The following IGFN1 variants were observed in gnomAD, a reference collection of about 807,000 sequenced individuals.
IGFN1 encodes the protein immunoglobulin like and fibronectin type III domain containing 1.
A neutral mutation model predicts 289.5 loss-of-function variants in IGFN1; 253 were observed. The ratio of observed to expected loss-of-function variants is 0.87; its 90% CI spans 0.79 to 0.97. IGFN1 has a LOEUF of 0.97. Ranked by LOEUF, IGFN1 falls within the 50% of genes least tolerant of loss-of-function variation. IGFN1 has a pLI of 0.00. For synonymous variants in IGFN1, 1,706 were observed against 1,788.5 expected (o/e 0.95, Z 1.16); for missense variants, 4,470 against 4,686.1 (o/e 0.95, Z 1.35).
chr1:201,218,009 G>A (rs1465893304), intron 17 of IGFN1, among the ~76,000 whole-genome samples: 1 of 152,248 alleles, frequency 6.6e-6, no homozygotes, highest in African/African-American at 2.4e-5. Context: ...CTGGGCAGAT[G>A]CTGAAGGGTC....
intron 1 of IGFN1, among the ~76,000 whole-genome samples, 157 bp downstream of exon 1, chr1:201,191,064 G>A (rs1294760042): frequency 1.3e-5 from 2 of 152,172 alleles, no homozygotes. Flanking sequence ...CACACGCTGG[G>A]GTGCACCTGT....
chr1:201,208,064 G>A lies in IGFN1; in HGVS notation c.3171G>A (p.Trp1057Ter), dbSNP rs1447564194. ...CACCCATGAATGACACCAGGAATTG[G>A]GCCTCTGCATGCCAGGCAGGCATGG... ...DGAPMNDTRN[W>*]ASACQAGMDP... Residue 1057 changes from tryptophan (W) to a stop codon, truncating the protein, a stop_gained, in exon 12 of 24, where the codon TGG becomes TGA. Coordinates refer to ENST00000335211, the MANE Select transcript of IGFN1 (RefSeq NM_001164586.2). LOFTEE classifies it high-confidence loss of function. 2 of 1,536,988 alleles carry A rather than the reference G, an allele frequency of 1.3e-6. No individual in the cohort carries two copies. Among genetic ancestry groups the A allele is most frequent in the South Asian group, 2.4e-5 (2 of 84,052 alleles).
At chr1:201,200,834 T>A (rs866302942) in intron 8 of IGFN1, among the ~76,000 whole-genome samples, 7 of 147,132 alleles carry the variant, frequency 4.8e-5, no homozygotes, top group Non-Finnish European at 1.0e-4. Context: ...ATTTCTTTCT[T>A]TTTTTTTTTT....
chr1:201,208,952 T>C lies in IGFN1; in HGVS notation c.4059T>C (p.Gly1353=). 6.6e-7 allele frequency: 1 copy of C among 1,524,834 alleles called. No homozygotes were observed. Among genetic ancestry groups the C allele is most frequent in the South Asian group, 1.2e-5 (1 of 83,532 alleles). The allele number at this position is 1,524,834 out of a possible 1,614,324, so 94.5% of individuals were successfully genotyped here. A position where few individuals can be genotyped will look rare whatever the true frequency, so the allele number is the denominator to read the frequency against. ...GTTTACAGGATTCCAGGGAAGCGGG[T>C]TCAGGGAGCAAGGCAGATTATAGCG... ...RGGLQDSREA[G]SGSKADYSGG... The change falls in exon 12 of 24, where the codon GGT becomes GGC. Residue 1353 remains glycine (G), a synonymous_variant. Coordinates refer to ENST00000335211, the MANE Select transcript of IGFN1 (RefSeq NM_001164586.2).
chr1:201,226,023 C>G lies in IGFN1; in HGVS notation c.10686C>G (p.Leu3562=). 6.3e-7 allele frequency: 1 copy of G among 1,583,442 alleles called. No individual in the cohort carries two copies. The highest frequency in any genetic ancestry group is 8.6e-7 in the Non-Finnish European group (1 of 1,162,176). Residue 3562 remains leucine, a synonymous_variant, in exon 22 of 24, where the codon CTC becomes CTG. Coordinates refer to ENST00000335211, the MANE Select transcript of IGFN1 (RefSeq NM_001164586.2). ...HTNRFTLLGI[L]PGHEYHFRVV... is the part of the protein sequence containing the mutation. ...ACCGCTTCACCCTCCTGGGCATCCT[C>G]CCCGGCCACGAATACCACTTCAGGG...
chr1:201,221,541 A>T lies in IGFN1; in HGVS notation c.9996A>T (p.Glu3332Asp). 1 of 1,614,132 alleles carries T rather than the reference A, an allele frequency of 6.2e-7. No individual in the cohort carries two copies. The highest frequency in any genetic ancestry group is 8.5e-7 in the Non-Finnish European group (1 of 1,179,998). The part of the protein sequence containing the change: ...WAGPDTQEGD[E>D]AQGYVVELCS... ...GGCCAGACACCCAGGAAGGGGATGA[A>T]GCCCAGGGGTATGTGGTGGAGCTGT... The change falls in exon 19 of 24, where the codon GAA (glutamate) becomes GAT (aspartate). Residue 3332 changes from glutamate (E) to aspartate (D), a missense_variant. Around this residue, in one of 8 missense-constraint regions of IGFN1, gnomAD observed 2,218 missense variants for 2,114.1 expected, o/e 1.05. Coordinates refer to ENST00000335211, the MANE Select transcript of IGFN1 (RefSeq NM_001164586.2).
rs774158177 is a variant in IGFN1, at chr1:201,201,427, C to T, written c.634-292C>T. On this transcript the variant is annotated intron_variant, in intron 8 of 23. Coordinates refer to ENST00000335211, the MANE Select transcript of IGFN1 (RefSeq NM_001164586.2). ...GGGACCTAGCACAGAGCTTTGCACACGGTAGGTGTTCAACTAATGTTCGTT... is the reference window on the plus strand; with the variant it reads ...GGGACCTAGCACAGAGCTTTGCACATGGTAGGTGTTCAACTAATGTTCGTT... 5.4e-4 allele frequency among the ~76,000 whole-genome samples: 82 copies of T among 152,312 alleles called. 1 individual carries two copies. Among genetic ancestry groups the T allele is most frequent in the Middle Eastern group, 3.4e-3 (1 of 294 alleles).
At position 201,226,092 on chromosome 1, in the gene IGFN1, C is replaced by T; in HGVS notation, c.10755C>T (p.Thr3585=). 6.2e-7 allele frequency: 1 copy of T among 1,603,442 alleles called. No individual in the cohort carries two copies. The highest frequency in any genetic ancestry group is 8.5e-7 in the Non-Finnish European group (1 of 1,173,558). The change falls in exon 22 of 24, where the codon ACC becomes ACT. Residue 3585 remains threonine (T), a synonymous_variant. Coordinates refer to ENST00000335211, the MANE Select transcript of IGFN1 (RefSeq NM_001164586.2). ...NELGASKPSD[T]SQPWCIPRQR... is the part of the protein sequence containing the mutation. ...TGGGGGCCAGCAAACCCTCGGACACCAGCCAGCCCTGGTGCATCCCCCGGC... is the reference window on the plus strand; with the variant it reads ...TGGGGGCCAGCAAACCCTCGGACACTAGCCAGCCCTGGTGCATCCCCCGGC...
Position 201,214,295 on chromosome 1 carries a change from C to A in IGFN1, c.8847C>A (p.Gly2949=). The A allele has an allele frequency of 6.2e-7, 1 of 1,608,646 alleles. No homozygotes were observed. Among genetic ancestry groups the A allele is most frequent in the Non-Finnish European group, 8.5e-7 (1 of 1,175,968 alleles). Residue 2949 remains glycine, a synonymous_variant, in exon 13 of 24, where the codon GGC becomes GGA. Coordinates refer to ENST00000335211, the MANE Select transcript of IGFN1 (RefSeq NM_001164586.2). The part of the protein sequence containing the change: ...DLGPGTWFKD[G]VKLTTQDGVI... ...GACCTGGCACCTGGTTTAAGGATGG[C>A]GTCAAGGTACTGCCTCCCCTCACAC...
chr1:201,226,020 C>T lies in IGFN1; in HGVS notation c.10683C>T (p.Ile3561=). The part of the protein sequence containing the change: ...IHTNRFTLLG[I]LPGHEYHFRV... ...CCAACCGCTTCACCCTCCTGGGCAT[C>T]CTCCCCGGCCACGAATACCACTTCA... The change falls in exon 22 of 24, where the codon ATC becomes ATT. Residue 3561 remains isoleucine (I), a synonymous_variant. Transcript: ENST00000335211. The T allele has an allele frequency of 6.3e-7, 1 of 1,582,568 alleles. No individual in the cohort carries two copies. Among genetic ancestry groups the T allele is most frequent in the Non-Finnish European group, 8.6e-7 (1 of 1,161,810 alleles).
At chr1:201,219,758 C>T (rs1180266263) in intron 18 of IGFN1, among the ~76,000 whole-genome samples, 2 of 152,176 alleles carry the variant, frequency 1.3e-5, no homozygotes, top group African/African-American at 4.8e-5. Flanking sequence ...CCAACAAGAC[C>T]GAAACATTCT....
chr1:201,194,137 C>G lies in IGFN1; in HGVS notation c.8-17C>G. 6.4e-7 allele frequency: 1 copy of G among 1,550,900 alleles called. No individual in the cohort carries two copies. The highest frequency in any genetic ancestry group is 8.7e-7 in the Non-Finnish European group (1 of 1,146,550). On this transcript the variant is annotated splice_polypyrimidine_tract_variant and intron_variant, in intron 2 of 23. Transcript: ENST00000335211. ...GAAGGTGGAAGGCCCCATCTCCTTC[C>G]CTCCTGCATTCTCCAGGAAAGCTCC...
chr1:201,222,171 A>G (rs1653777830), intron 19 of IGFN1: 1 of 163,292 alleles, frequency 6.1e-6, no homozygotes, highest in South Asian at 2.0e-4. Flanking sequence ...AGAATGGGAC[A>G]TGCCCAGCTC....
intron 9 of IGFN1, among the ~76,000 whole-genome samples, chr1:201,202,743 C>CCTTCCTTCCTTCCTTCCTTCCTTCCTT (rs1558137497): frequency 9.3e-6 from 1 of 107,292 alleles, no homozygotes; most frequent in Non-Finnish European, 1.9e-5. Context: ...CTCCCTCCCT[C>CCTTCCTTCCTTCCTTCCTTCCTTCCTT]CCTCCCTCCC....
Position 201,209,289 on chromosome 1 carries a change from G to C in IGFN1, c.4396G>C (p.Ala1466Pro). The change falls in exon 12 of 24, where the codon GCT becomes CCT. Residue 1466 changes from alanine (A) to proline (P), a missense_variant. Transcript: ENST00000335211. Reference sequence around the variant, plus strand: ...GGCAGGTTATAGGAAAAATTTGGGAGCTCCTGAGAGAATGGATTCAGGGAG... The same window carrying C: ...GGCAGGTTATAGGAAAAATTTGGGACCTCCTGAGAGAATGGATTCAGGGAG... ...DEAGYRKNLG[A>P]PERMDSGSKA... 1 of 1,485,552 alleles carries C rather than the reference G, an allele frequency of 6.7e-7. No individual in the cohort carries two copies. The highest frequency in any genetic ancestry group is 8.9e-7 in the Non-Finnish European group (1 of 1,128,674). 92.0% of individuals were successfully genotyped at this position (1,485,552 alleles called of 1,614,324 possible). A position where few individuals can be genotyped will look rare whatever the true frequency, so the allele number is the denominator to read the frequency against.
In IGFN1 at chr1:201,197,318, G is replaced by T; in HGVS notation, c.367+1G>T. 1 of 1,544,112 alleles carries T rather than the reference G, an allele frequency of 6.5e-7. No homozygotes were observed. Among genetic ancestry groups the T allele is most frequent in the Non-Finnish European group, 8.8e-7 (1 of 1,140,444 alleles). On this transcript the variant is annotated splice_donor_variant, in intron 5 of 23. Transcript: ENST00000335211. LOFTEE classifies it high-confidence loss of function. ...TCAGTGAGACTCACTGTCATCGAAG[G>T]TGGGCTTTTCCCTGAGTTTGTCTCA... is the stretch of plus-strand genomic sequence containing the variant.
intron 17 of IGFN1, among the ~76,000 whole-genome samples, chr1:201,217,744 A>G (rs1036915994): frequency 6.6e-6 from 1 of 152,172 alleles, no homozygotes; most frequent in Admixed American, 6.5e-5. Context: ...AATCCCAAAG[A>G]AGAATCTGGC....
chr1:201,208,713 A>T lies in IGFN1; in HGVS notation c.3820A>T (p.Ile1274Phe), dbSNP rs1245030467. Residue 1274 changes from isoleucine to phenylalanine, a missense_variant, in exon 12 of 24, where the codon ATT becomes TTT. Around this residue, in one of 8 missense-constraint regions of IGFN1, gnomAD observed 2,011 missense variants for 1,953.4 expected, o/e 1.03. Coordinates refer to ENST00000335211, the MANE Select transcript of IGFN1 (RefSeq NM_001164586.2). ...SADGPGCRKG[I>F]GSSGEMGSVD... ...AGATGGGCCAGGTTGTAGGAAGGGT[A>T]TTGGGAGTTCTGGGGAAATGGGGTC... 2 of 1,536,864 alleles carry T rather than the reference A, an allele frequency of 1.3e-6. No individual in the cohort carries two copies. The highest frequency in any genetic ancestry group is 1.7e-6 in the Non-Finnish European group (2 of 1,146,804).
In IGFN1 at chr1:201,220,060, C is replaced by CTT. The variant is rs36059818; in HGVS notation, c.9899-1377_9899-1376dup. Among the ~76,000 whole-genome samples the CTT allele has an allele frequency of 1.1e-4, 16 of 143,246 alleles. No individual in the cohort carries two copies. The East Asian group carries it at 1.8e-3, about 17-fold the overall frequency. The allele number at this position is 143,246 out of a possible 152,430, so 94.0% of individuals were successfully genotyped here. ...TGTCTTCTTTCTTTCTCTTTCTGTTCTTTTTTTTCCTTTCTTTCTCTTTTT... is the reference window on the plus strand; with the variant it reads ...TGTCTTCTTTCTTTCTCTTTCTGTTCTTTTTTTTTTCCTTTCTTTCTCTTTTT... On this transcript the variant is annotated intron_variant, in intron 18 of 23. Transcript: ENST00000335211.
Sources: gnomAD v4.1 joint callset for allele counts (sites outside exome capture counted in the v4.1 genomes callset) on GRCh38, gnomAD v4.1.1 for gene constraint, gnomAD v4.1.1 regional missense constraint, MANE v1.5 for transcripts, NCBI Gene and HGNC (gene_info 2026-07-23, HGNC 2026-07-21) for gene names.